The following PRRC2B variants were observed in gnomAD, a reference collection of about 807,000 sequenced individuals.
The protein encoded by PRRC2B is proline rich coiled-coil 2B.
A neutral mutation model predicts 242.3 loss-of-function variants in PRRC2B; 68 were observed. That is an observed-to-expected ratio of 0.28 (90% CI 0.23 to 0.34). The LOEUF (loss-of-function observed/expected upper bound fraction) is 0.34. Ranked by LOEUF, PRRC2B falls within the 10% of genes least tolerant of loss-of-function variation. The pLI is 1.00. For missense variants in PRRC2B, 2,835 were observed against 2,954.8 expected (o/e 0.96, Z 0.94); for synonymous variants, 1,228 against 1,173.6 (o/e 1.05, Z -0.95).
chr9:131,490,860 AC>A (rs1564303106), intron 28 of PRRC2B: 1 of 312,862 alleles, frequency 3.2e-6, no homozygotes, highest in Non-Finnish European at 6.4e-6. Context: ...CTTCGCCATT[AC>A]TTCTGACTTT....
Position 131,446,341 on chromosome 9 carries a change from A to G in PRRC2B, c.614-60A>G, listed in dbSNP as rs1485318630. On this transcript the variant is annotated intron_variant, in intron 6 of 31. Coordinates refer to ENST00000683519, the MANE Select transcript of PRRC2B (RefSeq NM_013318.4). This position sits in a 1 kb window ranked among gnomAD's most constrained non-coding sequence, Gnocchi z 4.1. ...GGGGTCCCTTGACCTTCAGAACCTC[A>G]TACGATCCCTCCTTCCCCCTCCTCT... 5.6e-6 allele frequency: 9 copies of G among 1,592,954 alleles called. No individual in the cohort carries two copies. In the Admixed American group the frequency reaches 1.0e-4, roughly 18 times the overall value.
rs770234571 is a variant in PRRC2B, at chr9:131,464,809, A to G, written c.1451A>G (p.Lys484Arg). 7 of 1,611,924 alleles carry G rather than the reference A, an allele frequency of 4.3e-6. No homozygotes were observed. The highest frequency in any genetic ancestry group is 5.1e-6 in the Non-Finnish European group (6 of 1,178,524). Residue 484 changes from lysine (K) to arginine (R), a missense_variant, in exon 12 of 32, where the codon AAG (lysine) becomes AGG (arginine). Lys to Arg is a conservative substitution (Grantham distance 26, BLOSUM62 2). Transcript: ENST00000683519. Reference protein sequence around the residue: ...SMFRQQSIEDKEDKPPPRQKF... With the variant: ...SMFRQQSIEDREDKPPPRQKF... ...TTCCGGCAACAGTCCATCGAGGACA[A>G]GGAGGACAAGCCCCCACCAAGGCAG...
intron 25 of PRRC2B, chr9:131,485,824 G>A (rs1588280751): frequency 1.4e-6 from 1 of 718,588 alleles, no homozygotes; most frequent in Middle Eastern, 2.4e-4. Context: ...GGTGGGAAGG[G>A]TAGGCCAGAG....
At chr9:131,430,845 G>A (rs1190096639) in intron 2 of PRRC2B, among the ~76,000 whole-genome samples, 2 of 151,748 alleles carry the variant, frequency 1.3e-5, no homozygotes, top group Non-Finnish European at 2.9e-5. Flanking sequence ...CACCCGCCTC[G>A]GCCTCCCAAA....
intron 25 of PRRC2B, 144 bp from the exon 26 acceptor site, chr9:131,485,941 G>A: frequency 1.4e-6 from 1 of 700,256 alleles, no homozygotes; most frequent in Non-Finnish European, 2.6e-6. Flanking sequence ...CGGCACACAG[G>A]GAACCTAGCA....
At chr9:131,444,660 A>G (rs1838729995) in intron 6 of PRRC2B, among the ~76,000 whole-genome samples, 1 of 152,288 alleles carries the variant, frequency 6.6e-6, no homozygotes, top group African/African-American at 2.4e-5. Context: ...CTTGTTTTCT[A>G]AAGCTCCCAA....
intron 11 of PRRC2B, among the ~76,000 whole-genome samples, chr9:131,463,783 T>C (rs1481895705): frequency 6.6e-6 from 1 of 151,630 alleles, no homozygotes; most frequent in Non-Finnish European, 1.5e-5. Context: ...CATCCCCAAC[T>C]AATTTTCGTA....
At chr9:131,474,356 T>G in intron 15 of PRRC2B, 98 bp from the exon 16 acceptor site, 2 of 1,082,818 alleles carry the variant, frequency 1.8e-6, no homozygotes, top group Non-Finnish European at 2.6e-6. Flanking sequence ...TTAGTTTTTG[T>G]TTTTGTTTTT....
At chr9:131,481,843 G>A in intron 20 of PRRC2B, 35 bp downstream of exon 20, 1 of 1,528,576 alleles carries the variant, frequency 6.5e-7, no homozygotes, top group Non-Finnish European at 8.8e-7. Context: ...CTGCCCCTGG[G>A]ATGAGTGTGT....
At chr9:131,379,104 A>G (rs185141274) in intron 1 of PRRC2B, among the ~76,000 whole-genome samples, 104 of 152,262 alleles carry the variant, frequency 6.8e-4, no homozygotes, top group Non-Finnish European at 1.1e-3. Flanking sequence ...TTTTGTGTTC[A>G]GCTTCTTTCC....
At chr9:131,453,786 C>A (rs1166077036) in intron 9 of PRRC2B, among the ~76,000 whole-genome samples, 1 of 152,188 alleles carries the variant, frequency 6.6e-6, no homozygotes, top group African/African-American at 2.4e-5. Context: ...CCTGCCTTGA[C>A]CTCCCAAAGC....
At chr9:131,440,774 A>C (rs1281018462) in intron 5 of PRRC2B, among the ~76,000 whole-genome samples, 3 of 152,214 alleles carry the variant, frequency 2.0e-5, no homozygotes, top group African/African-American at 7.2e-5. Flanking sequence ...AGGTGAAAAA[A>C]AGTACAGAAT....
intron 8 of PRRC2B, among the ~76,000 whole-genome samples, chr9:131,447,448 G>A (rs1190948681): frequency 6.6e-6 from 1 of 152,112 alleles, no homozygotes; most frequent in East Asian, 1.9e-4. Flanking sequence ...TGCTGCCCTA[G>A]GCCTTAGCAA....
At chr9:131,389,149 AT>A (rs71501254), upstream of PRRC2B, among the ~76,000 whole-genome samples, 210 of 108,834 alleles carry the variant, frequency 1.9e-3, 1 homozygote, top group East Asian at 2.7e-3. Flanking sequence ...GCTCCTTTCA[AT>A]TTTTTTTTTT....
At chr9:131,467,990 A>C (rs1009005710) in intron 13 of PRRC2B, among the ~76,000 whole-genome samples, 4 of 152,188 alleles carry the variant, frequency 2.6e-5, no homozygotes, top group African/African-American at 9.7e-5. Flanking sequence ...GAATGAATAC[A>C]GTCTTTGTGG....
chr9:131,453,848 A>G (rs142969713), intron 9 of PRRC2B, among the ~76,000 whole-genome samples: 18 of 152,218 alleles, frequency 1.2e-4, no homozygotes, highest in African/African-American at 4.1e-4. Context: ...TATGATTCAC[A>G]TAATTTTAAT....
At position 131,439,181 on chromosome 9, in the gene PRRC2B, A is replaced by C; in HGVS notation, c.469+120A>C. On this transcript the variant is annotated intron_variant, in intron 5 of 31. Coordinates refer to ENST00000683519, the MANE Select transcript of PRRC2B (RefSeq NM_013318.4). ...GCTTTGAGGACTCTCTTCCACAAAGAGGTACCGTCTATGGAGCCCTTGCCT... is the reference window on the plus strand; with the variant it reads ...GCTTTGAGGACTCTCTTCCACAAAGCGGTACCGTCTATGGAGCCCTTGCCT... 3.8e-6 allele frequency: 3 copies of C among 793,124 alleles called. No individual in the cohort carries two copies. In the South Asian group the frequency reaches 4.7e-5, roughly 12 times the overall value. 49.1% of individuals were successfully genotyped at this position (793,124 alleles called of 1,614,324 possible). A position where few individuals can be genotyped will look rare whatever the true frequency, so the allele number is the denominator to read the frequency against.
At position 131,491,431 on chromosome 9, in the gene PRRC2B, A is replaced by G. The variant is rs748522687; in HGVS notation, c.6232A>G (p.Met2078Val). ...MLDSQLPQLT[M>V]PLPRYGSGQQ... Reference sequence around the variant, plus strand: ...TGTCATTGTCGCCCAGCAGCTGACCATGCCACTGCCTCGGTACGGCTCCGG... The same window carrying G: ...TGTCATTGTCGCCCAGCAGCTGACCGTGCCACTGCCTCGGTACGGCTCCGG... Residue 2078 changes from methionine to valine, a missense_variant, in exon 29 of 32, where the codon ATG (methionine) becomes GTG (valine). Transcript: ENST00000683519. 1 of 1,599,958 alleles carries G rather than the reference A, an allele frequency of 6.3e-7. No homozygotes were observed. Among genetic ancestry groups the G allele is most frequent in the African/African-American group, 1.3e-5 (1 of 74,566 alleles).
chr9:131,478,649 G>GCC, intron 18 of PRRC2B, 30 bp downstream of exon 18: 54 of 504,460 alleles, frequency 1.1e-4, no homozygotes, highest in Middle Eastern at 6.2e-4. Context: ...GGGGCATGGG[G>GCC]CTGGAGGGCA....
Sources: allele counts gnomAD v4.1 joint callset (sites outside exome capture counted in the v4.1 genomes callset), GRCh38; gene constraint gnomAD v4.1.1; non-coding constraint Gnocchi (gnomAD v3.1); transcripts MANE v1.5; gene names NCBI Gene and HGNC (gene_info 2026-07-23, HGNC 2026-07-21).